Variants in PPP3CA observed in about 807,000 individuals in gnomAD.
PPP3CA encodes CAM-PRP catalytic subunit.
In PPP3CA, 14 loss-of-function variants were observed where a neutral mutation model predicts 66.5. That is an observed-to-expected ratio of 0.21 (90% CI 0.14 to 0.33). PPP3CA has a LOEUF of 0.33. PPP3CA is among the 10% of genes least tolerant of loss of function. The pLI, the probability that PPP3CA is intolerant of heterozygous loss-of-function variation, is 1.00. For synonymous variants in PPP3CA, 232 were observed against 226.2 expected (o/e 1.03, Z -0.23); for missense variants, 317 against 639.5 (o/e 0.50, Z 5.44).
At chr4:101,249,912 T>C (rs2110243299) in intron 1 of PPP3CA, among the ~76,000 whole-genome samples, 1 of 152,296 alleles carries the variant, frequency 6.6e-6, no homozygotes, top group Admixed American at 6.5e-5. Context: ...AAACTAATTT[T>C]CTAGTGAATT....
chr4:101,163,415 T>C (rs565041168), intron 2 of PPP3CA, among the ~76,000 whole-genome samples: 3 of 152,318 alleles, frequency 2.0e-5, no homozygotes, highest in Middle Eastern at 3.4e-3. Context: ...AGGATATGCA[T>C]TGGCCCACAA....
rs144905847 is a variant in PPP3CA at position 101,259,301 on chromosome 4, T to G, written c.59-63185A>C. The stretch of plus-strand genomic sequence containing the variant: ...CTAAACACGTTTGTTTTCAATTTCA[T>G]GGTTTTCTTCCTCCTTTCCCAGTTG... On this transcript the variant is annotated intron_variant, in intron 1 of 13. Coordinates refer to ENST00000394854, the MANE Select transcript of PPP3CA (RefSeq NM_000944.5). 3.2e-3 allele frequency among the ~76,000 whole-genome samples: 492 copies of G among 152,024 alleles called. 4 individuals carry two copies. The highest frequency in any genetic ancestry group is 0.02 in the Middle Eastern group (6 of 294).
chr4:101,319,168 T>A (rs1206369385), intron 1 of PPP3CA, among the ~76,000 whole-genome samples: 62 of 148,526 alleles, frequency 4.2e-4, no homozygotes, highest in African/African-American at 1.5e-3. Flanking sequence ...TTATACCATA[T>A]TGAAAAAAAA....
At chr4:101,150,745 C>A (rs1723110847) in intron 2 of PPP3CA, among the ~76,000 whole-genome samples, 1 of 152,194 alleles carries the variant, frequency 6.6e-6, no homozygotes, top group Non-Finnish European at 1.5e-5. Context: ...AAATGCTCTA[C>A]AGAGCATCCT....
intron 8 of PPP3CA, among the ~76,000 whole-genome samples, chr4:101,075,887 T>C (rs2110235967): frequency 6.6e-6 from 1 of 152,316 alleles, no homozygotes; most frequent in Admixed American, 6.5e-5. Flanking sequence ...TACTACCAGA[T>C]TATTAAGCAC....
chr4:101,219,150 A>G (rs1725545822), intron 1 of PPP3CA, among the ~76,000 whole-genome samples: 1 of 152,012 alleles, frequency 6.6e-6, no homozygotes, highest in Admixed American at 6.6e-5. Flanking sequence ...TCAAAGTCTG[A>G]TATGCTACAA....
At chr4:101,098,699 T>TTATA in intron 4 of PPP3CA, among the ~76,000 whole-genome samples, 187 bp from the exon 5 acceptor site, 1 of 152,098 alleles carries the variant, frequency 6.6e-6, no homozygotes, top group African/African-American at 2.4e-5. Flanking sequence ...ATCTAGTATT[T>TTATA]CCTGTTTTTG....
intron 2 of PPP3CA, among the ~76,000 whole-genome samples, chr4:101,125,408 C>A (rs997701634): frequency 4.6e-5 from 7 of 152,112 alleles, no homozygotes; most frequent in Non-Finnish European, 7.3e-5. Context: ...TTAGATCCAC[C>A]AATTCCAGCA....
chr4:101,118,828 CT>C (rs1368502549), intron 2 of PPP3CA, among the ~76,000 whole-genome samples: 2 of 151,824 alleles, frequency 1.3e-5, no homozygotes, highest in Non-Finnish European at 2.9e-5. Flanking sequence ...ATACTCTGTT[CT>C]TTTTACTACA....
chr4:101,284,139 G>A (rs887215891), intron 1 of PPP3CA, among the ~76,000 whole-genome samples: 11 of 151,986 alleles, frequency 7.2e-5, no homozygotes, highest in South Asian at 2.1e-4. Context: ...TCCTCTTTTC[G>A]TAAACTGCTA....
At chr4:101,046,204 A>G (rs757886974) in intron 10 of PPP3CA, among the ~76,000 whole-genome samples, 8 of 152,210 alleles carry the variant, frequency 5.3e-5, no homozygotes, top group Non-Finnish European at 1.0e-4. Flanking sequence ...AGTCTAATCC[A>G]ACAGATTCTT....
chr4:101,274,147 T>C (rs542998611), intron 1 of PPP3CA, among the ~76,000 whole-genome samples: 1 of 152,120 alleles, frequency 6.6e-6, no homozygotes, highest in South Asian at 2.1e-4. Flanking sequence ...TCTACAAAAA[T>C]ACCAACATTA....
At chr4:101,250,200 T>G in intron 1 of PPP3CA, 1 of 231,318 alleles carries the variant, frequency 4.3e-6, no homozygotes, top group Non-Finnish European at 8.8e-6. Flanking sequence ...GTCACTTAAA[T>G]AAGTTAAGCA....
At chr4:101,091,522 T>C (rs903640642) in intron 6 of PPP3CA, among the ~76,000 whole-genome samples, 6 of 152,096 alleles carry the variant, frequency 3.9e-5, no homozygotes, top group Admixed American at 6.6e-5. Context: ...AGCTATACTT[T>C]GAAAGACGCT....
At chr4:101,087,993 T>C (rs1729743322) in intron 6 of PPP3CA, among the ~76,000 whole-genome samples, 1 of 152,152 alleles carries the variant, frequency 6.6e-6, no homozygotes, top group South Asian at 2.1e-4. Context: ...CCAATGACTC[T>C]GGTTGGATAT....
intron 8 of PPP3CA, among the ~76,000 whole-genome samples, chr4:101,075,470 T>G (rs1490357816): frequency 6.6e-6 from 1 of 152,230 alleles, no homozygotes; most frequent in African/African-American, 2.4e-5. Flanking sequence ...TCTACATATG[T>G]ATCTAACTAC....
intron 2 of PPP3CA, among the ~76,000 whole-genome samples, chr4:101,180,548 C>T (rs1259765474): frequency 6.6e-6 from 1 of 152,102 alleles, no homozygotes; most frequent in African/African-American, 2.4e-5. Context: ...TAAATTTATT[C>T]TGGAAGTTGA....
Position 101,305,942 on chromosome 4 carries a change from G to A in PPP3CA, c.58+40797C>T, listed in dbSNP as rs114751422. On this transcript the variant is annotated intron_variant, in intron 1 of 13. Transcript: ENST00000394854. Reference sequence around the variant, plus strand: ...AAAGCTTTACACAGTGCTTTGAGAGGATAAGACTTGCTGGAAAGGTACAGT... The same window carrying A: ...AAAGCTTTACACAGTGCTTTGAGAGAATAAGACTTGCTGGAAAGGTACAGT... 6.5e-3 allele frequency among the ~76,000 whole-genome samples: 988 copies of A among 152,056 alleles called. 12 individuals carry two copies. The highest frequency in any genetic ancestry group is 0.023 in the African/African-American group (937 of 41,502).
chr4:101,043,568 A>C (rs1055551146), intron 10 of PPP3CA, among the ~76,000 whole-genome samples: 6 of 152,010 alleles, frequency 3.9e-5, no homozygotes, highest in Non-Finnish European at 7.4e-5. Flanking sequence ...AAAAAAAAAA[A>C]AAAACTCTCC....
Sources: gnomAD v4.1 joint callset for allele counts (sites outside exome capture counted in the v4.1 genomes callset) on GRCh38, gnomAD v4.1.1 for gene constraint, MANE v1.5 for transcripts, NCBI Gene and HGNC (gene_info 2026-07-23, HGNC 2026-07-21) for gene names.